Variants in RPS6KA5 observed in about 807,000 individuals in gnomAD.
RPS6KA5 encodes ribosomal protein S6 kinase alpha-5.
RPS6KA5 carries 27 observed loss-of-function variants against 85.5 expected under a neutral mutation model. The observed-to-expected ratio is 0.32, with a 90% CI of 0.23 to 0.44. The LOEUF (loss-of-function observed/expected upper bound fraction) is 0.44, where lower values mean the gene tolerates loss of function less well. RPS6KA5 is among the 20% of genes least tolerant of loss of function. The pLI is 1.00. For synonymous variants in RPS6KA5, 334 were observed against 348.2 expected (o/e 0.96, Z 0.46); for missense variants, 811 against 980.9 (o/e 0.83, Z 2.31).
chr14:90,932,724 A>C (rs1460780204), intron 5 of RPS6KA5, among the ~76,000 whole-genome samples: 1 of 152,198 alleles, frequency 6.6e-6, no homozygotes, highest in East Asian at 1.9e-4. Context: ...CTCGTTAAGC[A>C]CTAGTAGCAT....
chr14:91,060,117 C>G (rs765119124), intron 1 of RPS6KA5: 449 of 985,182 alleles, frequency 4.6e-4, no homozygotes, highest in Non-Finnish European at 5.2e-4. Context: ...GCCGCTCATT[C>G]CCGGGCTGGG....
At chr14:90,956,261 C>CT (rs972564934) in intron 3 of RPS6KA5, among the ~76,000 whole-genome samples, 5 of 152,002 alleles carry the variant, frequency 3.3e-5, no homozygotes, top group South Asian at 2.1e-4. Context: ...ATGGATTGGC[C>CT]TTTTTTTATC....
intron 3 of RPS6KA5, among the ~76,000 whole-genome samples, chr14:90,962,990 T>A (rs1369866384): frequency 1.3e-5 from 2 of 152,200 alleles, no homozygotes; most frequent in Non-Finnish European, 2.9e-5. Flanking sequence ...CATTTCCTAA[T>A]TTGCATTCCC....
At chr14:90,896,608 G>C (rs1308621102) in intron 12 of RPS6KA5, among the ~76,000 whole-genome samples, 1 of 152,164 alleles carries the variant, frequency 6.6e-6, no homozygotes, top group African/African-American at 2.4e-5. Context: ...GTGATGCATG[G>C]AAGGCTCACA....
chr14:90,990,324 T>C (rs546960207), intron 2 of RPS6KA5, among the ~76,000 whole-genome samples: 1 of 152,150 alleles, frequency 6.6e-6, no homozygotes, highest in African/African-American at 2.4e-5. Context: ...AAAACCACAA[T>C]GAGATACCAT....
chr14:91,055,081 T>C (rs979772389), intron 1 of RPS6KA5, among the ~76,000 whole-genome samples: 3 of 152,010 alleles, frequency 2.0e-5, no homozygotes, highest in African/African-American at 7.3e-5. Context: ...AAATGGAAAA[T>C]CACTTCACAC....
chr14:90,902,416 C>A (rs1227128239), intron 9 of RPS6KA5, among the ~76,000 whole-genome samples: 1 of 151,804 alleles, frequency 6.6e-6, no homozygotes, highest in East Asian at 1.9e-4. Flanking sequence ...GCCCAGGAGT[C>A]TGAGGCTGCA....
At chr14:90,971,023 T>G (rs1277908184) in intron 3 of RPS6KA5, among the ~76,000 whole-genome samples, 2 of 152,052 alleles carry the variant, frequency 1.3e-5, no homozygotes, top group African/African-American at 4.8e-5. Flanking sequence ...AAATAAAATT[T>G]TATTGGAACT....
At chr14:90,875,395 C>T in intron 14 of RPS6KA5, 35 bp from the exon 15 acceptor site, 1 of 1,588,634 alleles carries the variant, frequency 6.3e-7, no homozygotes, top group Non-Finnish European at 8.6e-7. Flanking sequence ...AGAATGACTA[C>T]CCAGATCTGT....
At position 90,928,285 on chromosome 14, in the gene RPS6KA5, A is replaced by G. The variant is rs1047035296; in HGVS notation, c.619-5089T>C. On this transcript the variant is annotated intron_variant, in intron 5 of 16. Transcript: ENST00000614987. ...ATAAGAACTTGTGGGATGCAGCTAGAGCTATTTTTAAAAATTCACAGCTTT... is the reference window on the plus strand; with the variant it reads ...ATAAGAACTTGTGGGATGCAGCTAGGGCTATTTTTAAAAATTCACAGCTTT... 9.9e-5 allele frequency among the ~76,000 whole-genome samples: 15 copies of G among 152,050 alleles called. 1 individual carries two copies. Among genetic ancestry groups the G allele is most frequent in the Non-Finnish European group, 1.6e-4 (11 of 67,996 alleles).
chr14:90,944,934 ATT>A lies in RPS6KA5; in HGVS notation c.511-1751_511-1750del, dbSNP rs34492881. On this transcript the variant is annotated intron_variant, in intron 4 of 16. Transcript: ENST00000614987. ...GTCTATTTTTAGACCCAATGTCTCT[ATT>A]TTTTTTTTTTTTAAAAGAACAGAAT... 7.5e-3 allele frequency among the ~76,000 whole-genome samples: 1,099 copies of A among 146,228 alleles called. 4 individuals are homozygous for A. The highest frequency in any genetic ancestry group is 0.025 in the Middle Eastern group (7 of 284).
intron 13 of RPS6KA5, 70 bp from the exon 14 acceptor site, chr14:90,890,748 T>C (rs1471104489): frequency 7.3e-7 from 1 of 1,362,292 alleles, no homozygotes; most frequent in East Asian, 2.3e-5. Context: ...ACTATTTATG[T>C]AACACTTTGT....
intron 13 of RPS6KA5, among the ~76,000 whole-genome samples, chr14:90,892,781 C>T (rs983464083): frequency 2.0e-5 from 3 of 152,206 alleles, no homozygotes; most frequent in African/African-American, 7.2e-5. Flanking sequence ...ATAATATACA[C>T]TGCCATTTAA....
intron 1 of RPS6KA5, among the ~76,000 whole-genome samples, chr14:91,042,485 T>C (rs955314529): frequency 9.9e-5 from 15 of 152,150 alleles, no homozygotes; most frequent in African/African-American, 2.9e-4. Flanking sequence ...CACTCCAGCC[T>C]GGGCACAGAG....
At chr14:91,059,912 C>CA (rs905847275) in intron 1 of RPS6KA5, 2 of 503,266 alleles carry the variant, frequency 4.0e-6, no homozygotes, top group African/African-American at 4.2e-5. Context: ...TCGCGGGGAC[C>CA]AGAGGGGCGG....
At chr14:91,025,811 TAAA>T (rs71117398) in intron 1 of RPS6KA5, among the ~76,000 whole-genome samples, 3 of 143,540 alleles carry the variant, frequency 2.1e-5, no homozygotes, top group Non-Finnish European at 4.6e-5. Context: ...CTTTTTCTCT[TAAA>T]AAAAAAAAAA....
chr14:90,953,025 G>A lies in RPS6KA5; in HGVS notation c.395-5475C>T, dbSNP rs550902269. ...TTTTTAGTGTGCTGGACCAGTCAAA[G>A]AATCCTGCGTCAAAACCAAGAAAAC... is the stretch of plus-strand genomic sequence containing the variant. On this transcript the variant is annotated intron_variant, in intron 3 of 16. Transcript: ENST00000614987. Among the ~76,000 whole-genome samples the A allele has an allele frequency of 3.9e-5, 6 of 152,254 alleles. No individual in the cohort carries two copies. The South Asian group carries it at 1.2e-3, about 32-fold the overall frequency.
intron 3 of RPS6KA5, among the ~76,000 whole-genome samples, chr14:90,948,233 A>T (rs142800184): frequency 2.0e-5 from 3 of 152,364 alleles, no homozygotes; most frequent in Non-Finnish European, 4.4e-5. Context: ...CAAAATAGTT[A>T]TGTTGATACA....
At chr14:91,035,956 G>GAAA (rs10689832) in intron 1 of RPS6KA5, among the ~76,000 whole-genome samples, 68,194 of 133,192 alleles carry the variant, frequency 0.51, 17,963 homozygotes, top group Non-Finnish European at 0.56. Context: ...CTTAGGGTAT[G>GAAA]AAAAAAAAAA....
Sources: allele counts gnomAD v4.1 joint callset (sites outside exome capture counted in the v4.1 genomes callset), GRCh38; gene constraint gnomAD v4.1.1; transcripts MANE v1.5; gene names NCBI Gene and HGNC (gene_info 2026-07-23, HGNC 2026-07-21).